Variants in EGR3 observed in about 807,000 individuals in gnomAD.
The protein encoded by EGR3 is early growth response 3, also known as early growth response protein 3.
In EGR3, 4 loss-of-function variants were observed where a neutral mutation model predicts 22.4. The observed-to-expected ratio is 0.18, with a 90% confidence interval of 0.09 to 0.41. The LOEUF is 0.41. Among genes scored for constraint, EGR3 ranks in the 10% least tolerant of loss-of-function variants. EGR3 has a pLI of 1.00. For synonymous variants in EGR3, 219 were observed against 226.8 expected (o/e 0.97, Z 0.31); for missense variants, 315 against 541.3 (o/e 0.58, Z 4.15).
At position 22,690,865 on chromosome 8, in the gene EGR3, G is replaced by T; in HGVS notation, c.772C>A (p.Pro258Thr). The T allele has an allele frequency of 6.3e-7, 1 of 1,599,798 alleles. No homozygotes were observed. Among genetic ancestry groups the T allele is most frequent in the Non-Finnish European group, 8.5e-7 (1 of 1,170,584 alleles). Residue 258 changes from proline (P) to threonine (T), a missense_variant, in exon 2 of 2, where the codon CCC becomes ACC. Around this residue, in one of 4 missense-constraint regions of EGR3, gnomAD observed 34 missense variants for 81.9 expected, o/e 0.42. Transcript: ENST00000317216. ...QPPLTLKPIR[P>T]RKYPNRPSKT... ...CTAGGCCGGTTGGGGTACTTGCGGG[G>T]CCGGATGGGCTTGAGGGTGAGCGGC...
chr8:22,692,600 G>A lies in EGR3; in HGVS notation c.154+191C>T. Reference sequence around the variant, plus strand: ...ATCGAGGAGGGCGGGAGGAGTGGGTGGGAAAAGCAACTCGCCCCCCGCAAA... The same window carrying A: ...ATCGAGGAGGGCGGGAGGAGTGGGTAGGAAAAGCAACTCGCCCCCCGCAAA... On this transcript the variant is annotated intron_variant, in intron 1 of 1. Coordinates refer to ENST00000317216, the MANE Select transcript of EGR3 (RefSeq NM_004430.3). The surrounding 1 kb of genome is among the most constrained non-coding windows in gnomAD (Gnocchi z 6.2). The A allele has an allele frequency of 1.4e-6, 2 of 1,443,134 alleles. No homozygotes were observed. Among genetic ancestry groups the A allele is most frequent in the Middle Eastern group, 2.6e-4 (1 of 3,892 alleles). 89.4% of individuals were successfully genotyped at this position (1,443,134 alleles called of 1,614,324 possible).
In EGR3 at chr8:22,692,622, CA is replaced by C; in HGVS notation, c.154+168del. 1 of 1,441,194 alleles carries C rather than the reference CA, an allele frequency of 6.9e-7. No homozygotes were observed. Among genetic ancestry groups the C allele is most frequent in the Non-Finnish European group, 9.1e-7 (1 of 1,096,624 alleles). The allele number at this position is 1,441,194 out of a possible 1,614,324, so 89.3% of individuals were successfully genotyped here. On this transcript the variant is annotated intron_variant, in intron 1 of 1. Coordinates refer to ENST00000317216, the MANE Select transcript of EGR3 (RefSeq NM_004430.3). The surrounding 1 kb of genome is among the most constrained non-coding windows in gnomAD (Gnocchi z 6.2). ...GGTGGGAAAAGCAACTCGCCCCCCG[CA>C]AAATTCCCAGCGCGCCCCCATCTCT...
intron 1 of EGR3, chr8:22,691,914 T>C: frequency 8.2e-7 from 1 of 1,226,156 alleles, no homozygotes; most frequent in Non-Finnish European, 1.0e-6. Flanking sequence ...ACGCCGCGCC[T>C]TTCCCTCCCC....
In EGR3 at chr8:22,691,074, A is replaced by G. The variant is rs1803936507; in HGVS notation, c.563T>C (p.Phe188Ser). 6.2e-7 allele frequency: 1 copy of G among 1,612,704 alleles called. No homozygotes were observed. The highest frequency in any genetic ancestry group is 8.5e-7 in the Non-Finnish European group (1 of 1,179,042). The change falls in exon 2 of 2, where the codon TTC becomes TCC. Residue 188 changes from phenylalanine (F) to serine (S), a missense_variant. Around this residue, in one of 4 missense-constraint regions of EGR3, gnomAD observed 227 missense variants for 303.6 expected, o/e 0.75. Transcript: ENST00000317216. ...SAKPALDSNLFPMIPDYNLYH... is the reference protein window; with the variant it reads ...SAKPALDSNLSPMIPDYNLYH... ...GAGGTTGTAGTCAGGAATCATGGGG[A>G]AGAGATTGCTGTCCAACGCCGGCTT... is the stretch of plus-strand genomic sequence containing the variant.
Position 22,692,680 on chromosome 8 carries a change from T to C in EGR3, c.154+111A>G, listed in dbSNP as rs968320739. The C allele has an allele frequency of 1.3e-4, 129 of 1,028,880 alleles. No homozygotes were observed. The highest frequency in any genetic ancestry group is 1.2e-3 in the Middle Eastern group (4 of 3,232). 63.7% of individuals were successfully genotyped at this position (1,028,880 alleles called of 1,614,324 possible). A position where few individuals can be genotyped will look rare whatever the true frequency, so the allele number is the denominator to read the frequency against. ...ATTTATCTATCCACCCATCCACCCA[T>C]CCATCCATCCATCCATCCATCCATC... is the stretch of plus-strand genomic sequence containing the variant. On this transcript the variant is annotated intron_variant, in intron 1 of 1. Coordinates refer to ENST00000317216, the MANE Select transcript of EGR3 (RefSeq NM_004430.3). The surrounding 1 kb of genome is among the most constrained non-coding windows in gnomAD (Gnocchi z 6.2).
rs1804027910 is a variant in EGR3, at chr8:22,693,175, G to A, written c.-231C>T. On this transcript the variant is annotated 5_prime_UTR_variant, in exon 1 of 2. Transcript: ENST00000317216. ...AGGGCCCCAGGGGGTAATCCTCTTG[G>A]GTGCCTCAGCTGGTGCGGTATGAGG... is the stretch of plus-strand genomic sequence containing the variant. The A allele has an allele frequency of 2.5e-5, 11 of 434,682 alleles. No homozygotes were observed. Among genetic ancestry groups the A allele is most frequent in the South Asian group, 2.1e-4 (10 of 47,126 alleles). The allele number at this position is 434,682 out of a possible 1,614,324, so 26.9% of individuals were successfully genotyped here.
Position 22,689,048 on chromosome 8 carries a change from T to C in EGR3, c.*1425A>G, listed in dbSNP as rs1877670. On this transcript the variant is annotated 3_prime_UTR_variant, in exon 2 of 2. Transcript: ENST00000317216. ...ATATGTGTATATATGTACACTCACA[T>C]GTATATGTACAGATATGTGTGCATC... 69,141 of 152,554 alleles carry C rather than the reference T, an allele frequency of 0.45. 17,378 individuals carry two copies. Among genetic ancestry groups the C allele is most frequent in the Admixed American group, 0.6 (9,222 of 15,306 alleles). The allele number at this position is 152,554 out of a possible 1,614,324, so 9.5% of individuals were successfully genotyped here. A position where few individuals can be genotyped will look rare whatever the true frequency, so the allele number is the denominator to read the frequency against.
In EGR3 at chr8:22,691,092, G is replaced by A; in HGVS notation, c.545C>T (p.Ala182Val). The change falls in exon 2 of 2, where the codon GCG (alanine) becomes GTG (valine). Residue 182 changes from alanine (A) to valine (V), a missense_variant. Coordinates refer to ENST00000317216, the MANE Select transcript of EGR3 (RefSeq NM_004430.3). The part of the protein sequence containing the change: ...SPQDYQSAKP[A>V]LDSNLFPMIP... The stretch of plus-strand genomic sequence containing the variant: ...CATGGGGAAGAGATTGCTGTCCAAC[G>A]CCGGCTTGGCCGATTGGTAATCCTG... The A allele has an allele frequency of 1.2e-6, 2 of 1,613,778 alleles. No homozygotes were observed. The highest frequency in any genetic ancestry group is 1.7e-6 in the Non-Finnish European group (2 of 1,179,710).
In EGR3 at chr8:22,690,415, T is replaced by C; in HGVS notation, c.*58A>G. 7 of 1,433,184 alleles carry C rather than the reference T, an allele frequency of 4.9e-6. No homozygotes were observed. Among genetic ancestry groups the C allele is most frequent in the Non-Finnish European group, 6.6e-6 (7 of 1,056,920 alleles). 88.8% of individuals were successfully genotyped at this position (1,433,184 alleles called of 1,614,324 possible). On this transcript the variant is annotated 3_prime_UTR_variant, in exon 2 of 2. Transcript: ENST00000317216. ...TCCGTGGCTGGCTTTCCCGCTGCTT[T>C]CAGGCTAGCAGCCGGGAGGCACTGG...
Position 22,691,277 on chromosome 8 carries a change from G to A in EGR3, c.360C>T (p.Leu120=), listed in dbSNP as rs3750192. The A allele has an allele frequency of 6.2e-7, 1 of 1,613,904 alleles. No homozygotes were observed. The highest frequency in any genetic ancestry group is 1.1e-5 in the South Asian group (1 of 91,088). Residue 120 remains leucine, a synonymous_variant, in exon 2 of 2, where the codon CTC becomes CTT. Transcript: ENST00000317216. ...TGCTGGCCGTGGACGTCTGCGTGCTGAGCGCCCCTGAAGCCGGGGGCACCC... is the reference window on the plus strand; with the variant it reads ...TGCTGGCCGTGGACGTCTGCGTGCTAAGCGCCCCTGAAGCCGGGGGCACCC... The part of the protein sequence containing the change: ...ILGVPPASGA[L]STQTSTASMV...
At chr8:22,691,868 A>G in intron 1 of EGR3, 10 of 985,042 alleles carry the variant, frequency 1.0e-5, no homozygotes, top group African/African-American at 1.7e-5. Flanking sequence ...CACCGCACAC[A>G]ACTCGGCCTC....
chr8:22,691,808 C>G (rs1490938911), intron 1 of EGR3: 1 of 985,328 alleles, frequency 1.0e-6, no homozygotes, highest in African/African-American at 1.7e-5. Flanking sequence ...GGGCAGGTAG[C>G]TGCAGCTACA....
chr8:22,691,547 C>G, intron 1 of EGR3, 65 bp from the exon 2 acceptor site: 7 of 1,573,728 alleles, frequency 4.4e-6, no homozygotes, highest in Non-Finnish European at 6.0e-6. Flanking sequence ...GCCGCGGCGC[C>G]CAGGTCCTTG....
chr8:22,692,161 G>T lies in EGR3; in HGVS notation c.154+630C>A. The stretch of plus-strand genomic sequence containing the variant: ...GGCCGGTGTCTCCATGGCGGGAGAG[G>T]CCGCCCTTCCCCAGCTCCCCGGCCC... On this transcript the variant is annotated intron_variant, in intron 1 of 1. Coordinates refer to ENST00000317216, the MANE Select transcript of EGR3 (RefSeq NM_004430.3). The surrounding 1 kb of genome is among the most constrained non-coding windows in gnomAD (Gnocchi z 6.2). The T allele has an allele frequency of 7.2e-7, 1 of 1,380,074 alleles. No individual in the cohort carries two copies. The highest frequency in any genetic ancestry group is 9.3e-7 in the Non-Finnish European group (1 of 1,071,734). The allele number at this position is 1,380,074 out of a possible 1,614,324, so 85.5% of individuals were successfully genotyped here. A position where few individuals can be genotyped will look rare whatever the true frequency, so the allele number is the denominator to read the frequency against.
chr8:22,691,582 G>C, intron 1 of EGR3, 100 bp from the exon 2 acceptor site: 1 of 1,510,206 alleles, frequency 6.6e-7, no homozygotes, highest in Non-Finnish European at 8.9e-7. Context: ...GTGCGGCCGG[G>C]TGGAGTGCGT....
chr8:22,691,497 G>T lies in EGR3; in HGVS notation c.155-15C>A. The T allele has an allele frequency of 6.2e-7, 1 of 1,610,094 alleles. No homozygotes were observed. ...CATTACATTCTCTGCGGAGAGCGGG[G>T]GAGAGAGGGGAGGGGTGAGTGAAGC... On this transcript the variant is annotated splice_polypyrimidine_tract_variant and intron_variant, in intron 1 of 1. Coordinates refer to ENST00000317216, the MANE Select transcript of EGR3 (RefSeq NM_004430.3).
At position 22,693,355 on chromosome 8, in the gene EGR3, ACCGCCACCGCCACCGCCGCCGCCG is replaced by A. The variant is rs1804034419; in HGVS notation, c.-435_-412del. ...CCCCGCCCCCCGATCTGCCACCGCC[ACCGCCACCGCCACCGCCGCCGCCG>A]CCGCCGCCGCCGCCGCCGCCTCTGC... On this transcript the variant is annotated 5_prime_UTR_variant, in exon 1 of 2. Coordinates refer to ENST00000317216, the MANE Select transcript of EGR3 (RefSeq NM_004430.3). 7.2e-5 allele frequency: 2 copies of A among 27,740 alleles called. No homozygotes were observed. The highest frequency in any genetic ancestry group is 1.1e-3 in the Admixed American group (2 of 1,856). The allele number at this position is 27,740 out of a possible 1,614,324, so 1.7% of individuals were successfully genotyped here. A position where few individuals can be genotyped will look rare whatever the true frequency, so the allele number is the denominator to read the frequency against.
At chr8:22,691,600 G>C (rs1177281279) in intron 1 of EGR3, 118 bp from the exon 2 acceptor site, 2 of 1,461,814 alleles carry the variant, frequency 1.4e-6, no homozygotes, top group Non-Finnish European at 1.8e-6. Flanking sequence ...CGTAGCGCAT[G>C]GGGTAAGAGG....
chr8:22,690,494 G>A lies in EGR3; in HGVS notation c.1143C>T (p.Pro381=). The change falls in exon 2 of 2, where the codon CCC becomes CCT. Residue 381 remains proline, a synonymous_variant. Transcript: ENST00000317216. ...ATCCTCAGGCGCAGGTGGTGACCACGGGGGCCAGCGACACGGGGGGCGCCG... is the reference window on the plus strand; with the variant it reads ...ATCCTCAGGCGCAGGTGGTGACCACAGGGGCCAGCGACACGGGGGGCGCCG... ...ASSAPPVSLA[P]VVTTCA 1.2e-6 allele frequency: 2 copies of A among 1,606,910 alleles called. No homozygotes were observed. The highest frequency in any genetic ancestry group is 8.5e-7 in the Non-Finnish European group (1 of 1,175,902).
Sources: allele counts gnomAD v4.1 joint callset, GRCh38; gene constraint gnomAD v4.1.1; regional missense constraint gnomAD v4.1.1; non-coding constraint Gnocchi (gnomAD v3.1); transcripts MANE v1.5; gene names NCBI Gene and HGNC (gene_info 2026-07-23, HGNC 2026-07-21).